The following TNFRSF8 variants were observed in gnomAD, a reference collection of about 807,000 sequenced individuals.
TNFRSF8 encodes tumor necrosis factor receptor superfamily member 8.
TNFRSF8 carries 26 observed loss-of-function variants against 70.8 expected under a neutral mutation model. That is an observed-to-expected ratio of 0.37 (90% CI 0.27 to 0.51). The LOEUF is 0.51. Ranked by LOEUF, TNFRSF8 falls within the 20% of genes least tolerant of loss-of-function variation. TNFRSF8 has a pLI of 0.94. For synonymous variants in TNFRSF8, 356 were observed against 339.2 expected (o/e 1.05, Z -0.54); for missense variants, 720 against 807.9 (o/e 0.89, Z 1.32).
At chr1:12,072,178 A>G (rs1348892640) in intron 1 of TNFRSF8, among the ~76,000 whole-genome samples, 8 of 152,194 alleles carry the variant, frequency 5.3e-5, no homozygotes, top group Non-Finnish European at 4.4e-5. Context: ...TAAGGATGAC[A>G]TGAGTTAATA....
Position 12,112,210 on chromosome 1 carries a change from A to G in TNFRSF8, c.793+196A>G, listed in dbSNP as rs1030165267. Among the ~76,000 whole-genome samples the G allele has an allele frequency of 6.6e-6, 1 of 152,100 alleles. No homozygotes were observed. Among genetic ancestry groups the G allele is most frequent in the Non-Finnish European group, 1.5e-5 (1 of 68,014 alleles). On this transcript the variant is annotated intron_variant, in intron 7 of 14. Coordinates refer to ENST00000263932, the MANE Select transcript of TNFRSF8 (RefSeq NM_001243.5). The surrounding 1 kb of genome is among the most constrained non-coding windows in gnomAD (Gnocchi z 5.3). Reference sequence around the variant, plus strand: ...CACCTGTTCCAAACTCGGCTCATCAATGTTTGTAACTACTCTGTGATTCAA... The same window carrying G: ...CACCTGTTCCAAACTCGGCTCATCAGTGTTTGTAACTACTCTGTGATTCAA...
rs1368432451 is a variant in TNFRSF8, at chr1:12,135,606, G to A, written c.1328G>A (p.Ser443Asn). 4.3e-6 allele frequency: 7 copies of A among 1,614,038 alleles called. No individual in the cohort carries two copies. Among genetic ancestry groups the A allele is most frequent in the Non-Finnish European group, 4.2e-6 (5 of 1,180,022 alleles). The stretch of plus-strand genomic sequence containing the variant: ...TTTGCAGATTCCAGACCCAGGAGGA[G>A]CTCAACGGTAAGTACCCCTCCCTTG... ...LELVDSRPRR[S>N]STQLRSGASV... The change falls in exon 13 of 15, where the codon AGC becomes AAC. Residue 443 changes from serine to asparagine, a missense_variant. Coordinates refer to ENST00000263932, the MANE Select transcript of TNFRSF8 (RefSeq NM_001243.5).
intron 1 of TNFRSF8, among the ~76,000 whole-genome samples, chr1:12,068,986 C>T (rs1479300721): frequency 6.6e-6 from 1 of 151,724 alleles, no homozygotes; most frequent in Non-Finnish European, 1.5e-5. Context: ...ATTCTCCTGC[C>T]TCAGCCTCCC....
rs754487480 is a variant in TNFRSF8, at chr1:12,142,378, G to A, written c.1635G>A (p.Glu545=). 3 of 1,611,722 alleles carry A rather than the reference G, an allele frequency of 1.9e-6. No homozygotes were observed. In the South Asian group the frequency reaches 3.3e-5, roughly 18 times the overall value. ...GCCGGGGCCTGGCGGGGCCAGCAGAGCCCGAGTTGGAGGAGGAGCTGGAGG... is the reference window on the plus strand; with the variant it reads ...GCCGGGGCCTGGCGGGGCCAGCAGAACCCGAGTTGGAGGAGGAGCTGGAGG... The part of the protein sequence containing the change: ...PEGRGLAGPA[E]PELEEELEAD... Residue 545 remains glutamate (E), a synonymous_variant, in exon 15 of 15, where the codon GAG becomes GAA. Coordinates refer to ENST00000263932, the MANE Select transcript of TNFRSF8 (RefSeq NM_001243.5). The surrounding 1 kb of genome is among the most constrained non-coding windows in gnomAD (Gnocchi z 5.0).
Position 12,138,332 on chromosome 1 carries a change from T to C in TNFRSF8, c.1439T>C (p.Leu480Pro). Residue 480 changes from leucine (L) to proline (P), a missense_variant, in exon 14 of 15, where the codon CTG becomes CCG. Transcript: ENST00000263932. This position sits in a 1 kb window ranked among gnomAD's most constrained non-coding sequence, Gnocchi z 5.7. ...TGCCACAGCGTGGGGGCAGCCTACC[T>C]GGAGAGCCTGCCGCTGCAGGATGCC... is the stretch of plus-strand genomic sequence containing the variant. ...ETCHSVGAAYLESLPLQDASP... is the reference protein window; with the variant it reads ...ETCHSVGAAYPESLPLQDASP... 1 of 1,613,564 alleles carries C rather than the reference T, an allele frequency of 6.2e-7. No individual in the cohort carries two copies. Among genetic ancestry groups the C allele is most frequent in the Non-Finnish European group, 8.5e-7 (1 of 1,179,902 alleles).
chr1:12,142,663 C>A lies in TNFRSF8; in HGVS notation c.*132C>A. The A allele has an allele frequency of 8.0e-7, 1 of 1,252,156 alleles. No individual in the cohort carries two copies. Among genetic ancestry groups the A allele is most frequent in the African/African-American group, 1.5e-5 (1 of 66,546 alleles). 77.6% of individuals were successfully genotyped at this position (1,252,156 alleles called of 1,614,324 possible). A position where few individuals can be genotyped will look rare whatever the true frequency, so the allele number is the denominator to read the frequency against. ...GAGGCTCCAGCATCTAGTGGTGGAC[C>A]GGCCGGTCACTGCAGGGGTCTGGTG... On this transcript the variant is annotated 3_prime_UTR_variant, in exon 15 of 15. Coordinates refer to ENST00000263932, the MANE Select transcript of TNFRSF8 (RefSeq NM_001243.5). The surrounding 1 kb of genome is among the most constrained non-coding windows in gnomAD (Gnocchi z 5.0).
At chr1:12,125,386 C>T (rs753871173) in intron 10 of TNFRSF8, among the ~76,000 whole-genome samples, 2 of 152,160 alleles carry the variant, frequency 1.3e-5, no homozygotes, top group Non-Finnish European at 2.9e-5. Context: ...AACGAACTTT[C>T]GTGAGCCTCA....
chr1:12,086,063 G>A (rs1343595167), intron 2 of TNFRSF8, among the ~76,000 whole-genome samples: 1 of 152,206 alleles, frequency 6.6e-6, no homozygotes, highest in Non-Finnish European at 1.5e-5. Context: ...CCGACAGTGG[G>A]GGCGGAGGGG....
intron 1 of TNFRSF8, chr1:12,078,028 G>A (rs557571987): frequency 1.3e-5 from 2 of 152,326 alleles, no homozygotes; most frequent in South Asian, 4.2e-4. Context: ...AGCCATCTGA[G>A]GGTCTTCAAT....
intron 10 of TNFRSF8, among the ~76,000 whole-genome samples, chr1:12,125,710 C>T (rs541720466): frequency 7.9e-5 from 12 of 152,334 alleles, no homozygotes; most frequent in Non-Finnish European, 1.3e-4. Flanking sequence ...GGCTCCTAGA[C>T]GCCTCAATTT....
intron 1 of TNFRSF8, among the ~76,000 whole-genome samples, chr1:12,067,314 GTACC>G (rs1056384168): frequency 1.3e-5 from 2 of 152,130 alleles, no homozygotes; most frequent in African/African-American, 4.8e-5. Context: ...CCACATCCAT[GTACC>G]CCCAATTCCA....
In TNFRSF8 at chr1:12,127,937, C is replaced by T. The variant is rs1641971281; in HGVS notation, c.1309+1701C>T. On this transcript the variant is annotated intron_variant, in intron 12 of 14. Coordinates refer to ENST00000263932, the MANE Select transcript of TNFRSF8 (RefSeq NM_001243.5). ...AGACTCAATGGTGGACATCTTATCT[C>T]AGGTCGTTTTTGACCCTCTAGCTTC... is the stretch of plus-strand genomic sequence containing the variant. 2.6e-5 allele frequency among the ~76,000 whole-genome samples: 4 copies of T among 152,170 alleles called. No individual in the cohort carries two copies. In the South Asian group the frequency reaches 8.3e-4, roughly 31 times the overall value.
chr1:12,135,431 C>T (rs1332971417), intron 12 of TNFRSF8, among the ~76,000 whole-genome samples, 157 bp from the exon 13 acceptor site: 1 of 150,686 alleles, frequency 6.6e-6, no homozygotes, highest in Non-Finnish European at 1.5e-5. Flanking sequence ...GGCACTGACT[C>T]TGAAACCCAT....
intron 2 of TNFRSF8, among the ~76,000 whole-genome samples, chr1:12,087,167 T>C (rs1366021768): frequency 2.0e-4 from 26 of 131,868 alleles, no homozygotes; most frequent in East Asian, 6.1e-4. Flanking sequence ...CTCTCTCTCT[T>C]TTTTTTTTTT....
At chr1:12,118,493 G>T (rs1031265834) in intron 8 of TNFRSF8, among the ~76,000 whole-genome samples, 1 of 152,184 alleles carries the variant, frequency 6.6e-6, no homozygotes, top group Admixed American at 6.5e-5. Context: ...AAAAAGATAC[G>T]AAACCAGAAA....
chr1:12,112,077 C>A lies in TNFRSF8; in HGVS notation c.793+63C>A. 1 of 1,185,388 alleles carries A rather than the reference C, an allele frequency of 8.4e-7. No individual in the cohort carries two copies. The highest frequency in any genetic ancestry group is 1.2e-6 in the Non-Finnish European group (1 of 802,768). 73.4% of individuals were successfully genotyped at this position (1,185,388 alleles called of 1,614,324 possible). A position where few individuals can be genotyped will look rare whatever the true frequency, so the allele number is the denominator to read the frequency against. Reference sequence around the variant, plus strand: ...CTCTGCATTTTTGAACCGTGAACTTCCAGTAACTACTCCCCCTTATGTTTG... The same window carrying A: ...CTCTGCATTTTTGAACCGTGAACTTACAGTAACTACTCCCCCTTATGTTTG... On this transcript the variant is annotated intron_variant, in intron 7 of 14. Transcript: ENST00000263932. This position sits in a 1 kb window ranked among gnomAD's most constrained non-coding sequence, Gnocchi z 5.3.
At chr1:12,066,039 C>A (rs548936188) in intron 1 of TNFRSF8, among the ~76,000 whole-genome samples, 2 of 152,230 alleles carry the variant, frequency 1.3e-5, no homozygotes. Context: ...AACTTTCCCA[C>A]ATCCTAACCG....
chr1:12,084,709 G>A (rs949481866), intron 2 of TNFRSF8, among the ~76,000 whole-genome samples, 158 bp downstream of exon 2: 9 of 151,510 alleles, frequency 5.9e-5, no homozygotes, highest in African/African-American at 2.2e-4. Flanking sequence ...GGAGTCCAAG[G>A]ACTCTCTCGG....
At chr1:12,070,562 G>C (rs1640824808) in intron 1 of TNFRSF8, among the ~76,000 whole-genome samples, 1 of 152,156 alleles carries the variant, frequency 6.6e-6, no homozygotes, top group Non-Finnish European at 1.5e-5. Context: ...CAGGGCTCAG[G>C]TGATCCTCCT....
Sources: gnomAD v4.1 joint callset for allele counts (sites outside exome capture counted in the v4.1 genomes callset) on GRCh38, gnomAD v4.1.1 for gene constraint, Gnocchi (gnomAD v3.1) non-coding constraint, MANE v1.5 for transcripts, NCBI Gene and HGNC (gene_info 2026-07-23, HGNC 2026-07-21) for gene names.